MGAT4A: variants seen among roughly 807,000 people sequenced by gnomAD.
MGAT4A encodes N-acetylglucosaminyltransferase IVa.
A neutral mutation model predicts 74.1 loss-of-function variants in MGAT4A; 33 were observed. That is an observed-to-expected ratio of 0.45 (90% CI 0.34 to 0.60). The LOEUF is 0.60. Ranked by LOEUF, MGAT4A falls within the 20% of genes least tolerant of loss-of-function variation. The pLI, the probability that MGAT4A is intolerant of heterozygous loss-of-function variation, is 0.02. For synonymous variants in MGAT4A, 198 were observed against 210.4 expected, an observed-to-expected ratio of 0.94 and a Z score of 0.51; for missense variants, 479 against 628.3, an observed-to-expected ratio of 0.76 and a Z score of 2.54.
At chr2:98,717,824 C>T (rs1702612523) in intron 2 of MGAT4A, among the ~76,000 whole-genome samples, 1 of 152,218 alleles carries the variant, frequency 6.6e-6, no homozygotes, top group South Asian at 2.1e-4. Context: ...GCATCCCAGA[C>T]CACAAACAGT....
rs1000587135 is a variant in MGAT4A, at chr2:98,684,566, G to T, written c.95-6095C>A. On this transcript the variant is annotated intron_variant, in intron 2 of 15. Transcript: ENST00000393487. Reference sequence around the variant, plus strand: ...TTTAGGTCAGTTTCCAGTGAAAAGGGTAACTCTGGGCTTTCAAAGACTTAC... The same window carrying T: ...TTTAGGTCAGTTTCCAGTGAAAAGGTTAACTCTGGGCTTTCAAAGACTTAC... 1.2e-4 allele frequency among the ~76,000 whole-genome samples: 19 copies of T among 152,238 alleles called. No homozygotes were observed. In the South Asian group the frequency reaches 1.5e-3, roughly 12 times the overall value.
At position 98,632,849 on chromosome 2, in the gene MGAT4A, C is replaced by T. The variant is rs117034992; in HGVS notation, c.1468+2373G>A. ...GGCTCACTGCAACCTCCACCTCCTG[C>T]GTTGGGTTCAAGCAATTCTCCAGCC... On this transcript the variant is annotated intron_variant, in intron 14 of 15. Transcript: ENST00000393487. Among the ~76,000 whole-genome samples the T allele has an allele frequency of 4.8e-3, 724 of 152,288 alleles. 4 individuals carry two copies. The highest frequency in any genetic ancestry group is 0.024 in the Middle Eastern group (7 of 294).
At position 98,624,377 on chromosome 2, in the gene MGAT4A, T is replaced by C; in HGVS notation, c.*1189A>G. 1 of 957,832 alleles carries C rather than the reference T, an allele frequency of 1.0e-6. No individual in the cohort carries two copies. Among genetic ancestry groups the C allele is most frequent in the Non-Finnish European group, 1.2e-6 (1 of 804,824 alleles). 59.3% of individuals were successfully genotyped at this position (957,832 alleles called of 1,614,324 possible). On this transcript the variant is annotated 3_prime_UTR_variant, in exon 16 of 16. Coordinates refer to ENST00000393487, the MANE Select transcript of MGAT4A (RefSeq NM_012214.3). ...TGATTGCTGAGACCGGTAATATTCTTTGTTTATAGTAGTAATATCATTTGG... is the reference window on the plus strand; with the variant it reads ...TGATTGCTGAGACCGGTAATATTCTCTGTTTATAGTAGTAATATCATTTGG...
In MGAT4A at chr2:98,663,031, C is replaced by CA; in HGVS notation, c.537+14dup. ...GCTATATTTGGTAAAAACATAACAA[C>CA]AATTAAATAATTACCTCTCCTATGA... On this transcript the variant is annotated intron_variant, in intron 5 of 15. Coordinates refer to ENST00000393487, the MANE Select transcript of MGAT4A (RefSeq NM_012214.3). The CA allele has an allele frequency of 6.8e-7, 1 of 1,467,746 alleles. No individual in the cohort carries two copies. The allele number at this position is 1,467,746 out of a possible 1,614,324, so 90.9% of individuals were successfully genotyped here.
At chr2:98,652,893 G>A (rs1701602663) in intron 8 of MGAT4A, among the ~76,000 whole-genome samples, 1 of 152,068 alleles carries the variant, frequency 6.6e-6, no homozygotes, top group South Asian at 2.1e-4. Flanking sequence ...CCAAAGTGTT[G>A]GGATTACAGG....
At chr2:98,701,679 C>T (rs1344545130) in intron 2 of MGAT4A, among the ~76,000 whole-genome samples, 1 of 152,150 alleles carries the variant, frequency 6.6e-6, no homozygotes, top group Non-Finnish European at 1.5e-5. Flanking sequence ...AGGTCTAAAT[C>T]GGCAAACTTT....
chr2:98,709,747 A>G (rs1036929363), intron 2 of MGAT4A, among the ~76,000 whole-genome samples: 1 of 152,236 alleles, frequency 6.6e-6, no homozygotes, highest in Admixed American at 6.5e-5. Flanking sequence ...AAGCCTCTCT[A>G]CACACAAGCT....
chr2:98,706,055 G>A (rs745560172), intron 2 of MGAT4A, among the ~76,000 whole-genome samples: 11 of 151,598 alleles, frequency 7.3e-5, no homozygotes, highest in East Asian at 5.8e-4. Context: ...CAATGCAGAC[G>A]CTGAACCGAT....
At chr2:98,708,612 C>A (rs1045574393) in intron 2 of MGAT4A, among the ~76,000 whole-genome samples, 1 of 152,178 alleles carries the variant, frequency 6.6e-6, no homozygotes, top group Non-Finnish European at 1.5e-5. Flanking sequence ...TACCAGCAAC[C>A]AGTAATGTAG....
chr2:98,620,203 T>G lies in MGAT4A; in HGVS notation c.*5363A>C, dbSNP rs1156317465. Reference sequence around the variant, plus strand: ...TCTTTAAAAAATACCTTTTTAGCATTGTATGATCACATGCATTAAAGAAAG... The same window carrying G: ...TCTTTAAAAAATACCTTTTTAGCATGGTATGATCACATGCATTAAAGAAAG... On this transcript the variant is annotated 3_prime_UTR_variant, in exon 16 of 16. Transcript: ENST00000393487. The G allele has an allele frequency of 2.6e-5, 4 of 152,220 alleles. No individual in the cohort carries two copies. The highest frequency in any genetic ancestry group is 4.8e-5 in the African/African-American group (2 of 41,466). The allele number at this position is 152,220 out of a possible 1,614,324, so 9.4% of individuals were successfully genotyped here. A position where few individuals can be genotyped will look rare whatever the true frequency, so the allele number is the denominator to read the frequency against.
intron 2 of MGAT4A, among the ~76,000 whole-genome samples, chr2:98,723,646 T>C (rs1469319340): frequency 3.9e-5 from 6 of 152,176 alleles, no homozygotes; most frequent in Admixed American, 2.0e-4. Context: ...AACGAGCATC[T>C]CACAATTCCA....
intron 9 of MGAT4A, 96 bp downstream of exon 9, chr2:98,645,332 A>G (rs548508016): frequency 2.1e-4 from 191 of 891,222 alleles, no homozygotes; most frequent in Admixed American, 4.7e-4. Flanking sequence ...TTTCCATAGG[A>G]AAAAAAGACA....
In MGAT4A at chr2:98,623,392, G is replaced by A; in HGVS notation, c.*2174C>T. ...GGTCTTTCTTCATGAAACCAGAGTT[G>A]GCAACTGAGGAACCAGGGACCCAAG... On this transcript the variant is annotated 3_prime_UTR_variant, in exon 16 of 16. Transcript: ENST00000393487. 1 of 985,412 alleles carries A rather than the reference G, an allele frequency of 1.0e-6. No homozygotes were observed. The highest frequency in any genetic ancestry group is 1.2e-6 in the Non-Finnish European group (1 of 829,946). 61.0% of individuals were successfully genotyped at this position (985,412 alleles called of 1,614,324 possible).
intron 1 of MGAT4A, among the ~76,000 whole-genome samples, chr2:98,729,164 T>C (rs375359566): frequency 7.5e-4 from 100 of 132,978 alleles, no homozygotes; most frequent in African/African-American, 3.3e-3. Context: ...ACCCCTAATA[T>C]ATGAAAAAAA....
chr2:98,626,162 T>C (rs1160021967), intron 14 of MGAT4A, among the ~76,000 whole-genome samples: 3 of 152,236 alleles, frequency 2.0e-5, no homozygotes, highest in African/African-American at 7.2e-5. Flanking sequence ...TTTACCTAAA[T>C]CTTACCAAAA....
intron 1 of MGAT4A, among the ~76,000 whole-genome samples, chr2:98,730,788 G>GGCCCGCGCCCCGCC (rs1269288726): frequency 6.7e-6 from 1 of 148,172 alleles, no homozygotes; most frequent in Non-Finnish European, 1.5e-5. Context: ...AGGACGGCCC[G>GGCCCGCGCCCCGCC]GCCCGCGCCC....
intron 14 of MGAT4A, among the ~76,000 whole-genome samples, chr2:98,630,001 G>A (rs1033832870): frequency 2.0e-5 from 3 of 152,178 alleles, no homozygotes; most frequent in African/African-American, 7.2e-5. Flanking sequence ...AGTCAAGATT[G>A]TGCCACTGCA....
At chr2:98,678,249 A>AAAAAAAAATAAAT in intron 3 of MGAT4A, 55 bp downstream of exon 3, 1 of 256,218 alleles carries the variant, frequency 3.9e-6, no homozygotes, top group Non-Finnish European at 5.6e-6. Context: ...AAAAAAAAAA[A>AAAAAAAAATAAAT]ATATATATAT....
intron 1 of MGAT4A, among the ~76,000 whole-genome samples, chr2:98,730,576 C>G (rs1449101400): frequency 4.0e-5 from 6 of 151,306 alleles, no homozygotes; most frequent in Non-Finnish European, 7.4e-5. Context: ...GCGAAAGCGC[C>G]GACTCCCGCG....
Sources: gnomAD v4.1 joint callset for allele counts (sites outside exome capture counted in the v4.1 genomes callset) on GRCh38, gnomAD v4.1.1 for gene constraint, MANE v1.5 for transcripts, NCBI Gene and HGNC (gene_info 2026-07-23, HGNC 2026-07-21) for gene names.